SUGCT: variants seen among roughly 807,000 people sequenced by gnomAD.
SUGCT encodes the protein succinyl-CoA:glutarate-CoA transferase.
In SUGCT, 41 loss-of-function variants were observed where a neutral mutation model predicts 55.0. The observed-to-expected ratio is 0.74, with a 90% CI of 0.58 to 0.97. The LOEUF is 0.97. Ranked by LOEUF, SUGCT falls within the 50% of genes least tolerant of loss-of-function variation. The pLI, the probability that SUGCT is intolerant of heterozygous loss-of-function variation, is 0.00. For synonymous variants in SUGCT, 187 were observed against 200.4 expected (o/e 0.93, Z 0.56); for missense variants, 568 against 547.8 (o/e 1.04, Z -0.37).
At chr7:40,239,141 G>T (rs529914806) in intron 7 of SUGCT, among the ~76,000 whole-genome samples, 1 of 151,998 alleles carries the variant, frequency 6.6e-6, no homozygotes, top group South Asian at 2.1e-4. Flanking sequence ...CTCCAGGCTG[G>T]AGTGCAGCCT....
the SUGCT span, among the ~76,000 whole-genome samples, chr7:40,944,628 C>T: frequency 6.6e-6 from 1 of 151,996 alleles, no homozygotes; most frequent in African/African-American, 2.4e-5. Context: ...CTGTTCTGTT[C>T]CATTGTTTTG....
chr7:40,422,324 G>A (rs4392801), intron 9 of SUGCT, among the ~76,000 whole-genome samples: 145,571 of 152,132 alleles, frequency 0.96, 69,981 homozygotes, highest in East Asian at 1. Context: ...GTTGGTATTG[G>A]GGCAATCACT....
downstream of SUGCT, among the ~76,000 whole-genome samples, chr7:40,863,596 C>T (rs558718763): frequency 9.8e-5 from 15 of 152,296 alleles, no homozygotes; most frequent in African/African-American, 3.6e-4. Context: ...ACCATTGACT[C>T]TCAATTGGCA....
chr7:40,465,650 T>A (rs574572680), intron 11 of SUGCT, among the ~76,000 whole-genome samples: 2 of 152,056 alleles, frequency 1.3e-5, no homozygotes, highest in Non-Finnish European at 2.9e-5. Context: ...TTCCTCTAAG[T>A]TGATCATTTT....
chr7:40,960,075 A>G, the SUGCT span, among the ~76,000 whole-genome samples: 2 of 151,674 alleles, frequency 1.3e-5, no homozygotes, highest in Non-Finnish European at 2.9e-5. Context: ...CCCACTTTCT[A>G]CATTGGTCTC....
chr7:40,194,261 T>C (rs940283105), intron 5 of SUGCT, among the ~76,000 whole-genome samples: 2 of 152,072 alleles, frequency 1.3e-5, no homozygotes, highest in Non-Finnish European at 2.9e-5. Flanking sequence ...AGTAGAGATA[T>C]TGTGTTTAGG....
chr7:40,424,622 G>T (rs531239474), intron 9 of SUGCT, among the ~76,000 whole-genome samples: 1 of 152,072 alleles, frequency 6.6e-6, no homozygotes, highest in Non-Finnish European at 1.5e-5. Flanking sequence ...AAGTTGCCAC[G>T]GGGCTCAAAT....
At chr7:40,437,992 G>A (rs1396198832) in intron 9 of SUGCT, among the ~76,000 whole-genome samples, 1 of 151,706 alleles carries the variant, frequency 6.6e-6, no homozygotes, top group Non-Finnish European at 1.5e-5. Context: ...TAGGAACTTC[G>A]AGTTGTACAT....
chr7:40,163,626 G>T (rs1195161754), intron 1 of SUGCT, among the ~76,000 whole-genome samples: 2 of 150,776 alleles, frequency 1.3e-5, no homozygotes, highest in African/African-American at 4.9e-5. Context: ...AAAAAAGCAG[G>T]TTATTATATA....
the SUGCT span, among the ~76,000 whole-genome samples, chr7:40,927,325 C>T: frequency 6.6e-6 from 1 of 152,190 alleles, no homozygotes; most frequent in South Asian, 2.1e-4. Context: ...TTTCCTTTCT[C>T]TTGTCTTGCC....
At chr7:40,215,523 G>A (rs6950489) in intron 6 of SUGCT, among the ~76,000 whole-genome samples, 138,487 of 152,166 alleles carry the variant, frequency 0.91, 63,213 homozygotes, top group East Asian at 0.99. Flanking sequence ...TGAGTTTCAT[G>A]TATCATTTAC....
At chr7:40,293,500 C>T (rs1251150752) in intron 8 of SUGCT, among the ~76,000 whole-genome samples, 3 of 152,128 alleles carry the variant, frequency 2.0e-5, no homozygotes, top group Admixed American at 2.0e-4. Context: ...AAACTGCTGT[C>T]CCACAGAATA....
At chr7:40,188,096 G>A (rs6962410) in intron 3 of SUGCT, among the ~76,000 whole-genome samples, 77,524 of 151,620 alleles carry the variant, frequency 0.51, 20,215 homozygotes, top group Middle Eastern at 0.65. Flanking sequence ...AGTTCTAGAA[G>A]TTGGTAGTAC....
At chr7:40,555,430 A>C (rs1795508929) in intron 12 of SUGCT, among the ~76,000 whole-genome samples, 1 of 151,310 alleles carries the variant, frequency 6.6e-6, no homozygotes, top group African/African-American at 2.4e-5. Context: ...CCTGGGTGTT[A>C]TTCATTCCAG....
At chr7:40,267,998 A>G (rs764051765) in intron 7 of SUGCT, among the ~76,000 whole-genome samples, 5 of 152,198 alleles carry the variant, frequency 3.3e-5, no homozygotes, top group Non-Finnish European at 2.9e-5. Context: ...AATTTTTACT[A>G]AATACATGAT....
intron 12 of SUGCT, among the ~76,000 whole-genome samples, chr7:40,713,095 T>C (rs1255093600): frequency 6.6e-6 from 1 of 152,180 alleles, no homozygotes; most frequent in Non-Finnish European, 1.5e-5. Flanking sequence ...TGGCTTCTGT[T>C]CCGTTTCCTC....
rs147492604 is a variant in SUGCT at position 40,569,700 on chromosome 7, G to A, written c.1089+73314G>A. The stretch of plus-strand genomic sequence containing the variant: ...AAATAGGAATTGTCTCAATATGGAA[G>A]GATTATAAAAAAAAAACTTTGACTT... On this transcript the variant is annotated intron_variant, in intron 12 of 13. Transcript: ENST00000335693. 3.0e-3 allele frequency among the ~76,000 whole-genome samples: 454 copies of A among 151,940 alleles called. 6 individuals are homozygous for A. Among genetic ancestry groups the A allele is most frequent in the East Asian group, 0.029 (150 of 5,166 alleles).
At chr7:40,758,456 G>A (rs1243280897) in intron 13 of SUGCT, among the ~76,000 whole-genome samples, 1 of 152,016 alleles carries the variant, frequency 6.6e-6, no homozygotes, top group East Asian at 1.9e-4. Context: ...AAAGATGTTG[G>A]TGGAGATAAA....
At chr7:40,255,866 T>C (rs1790781601) in intron 7 of SUGCT, among the ~76,000 whole-genome samples, 1 of 152,110 alleles carries the variant, frequency 6.6e-6, no homozygotes, top group African/African-American at 2.4e-5. Context: ...CTCTATTCAT[T>C]TGGTAAATAT....
Sources: gnomAD v4.1 joint callset for allele counts (sites outside exome capture counted in the v4.1 genomes callset) on GRCh38, gnomAD v4.1.1 for gene constraint, MANE v1.5 for transcripts, NCBI Gene and HGNC (gene_info 2026-07-23, HGNC 2026-07-21) for gene names.